The following RHOQ variants were observed in gnomAD, a reference collection of about 807,000 sequenced individuals.
RHOQ encodes the protein ras homolog family member Q, also known as rho-related GTP-binding protein RhoQ.
A neutral mutation model predicts 25.8 loss-of-function variants in RHOQ; 7 were observed. The ratio of observed to expected loss-of-function variants is 0.27; its 90% CI spans 0.15 to 0.51. RHOQ has a LOEUF of 0.51. RHOQ is among the 20% of genes least tolerant of loss of function. RHOQ has a pLI of 0.97. For missense variants in RHOQ, 165 were observed against 260.6 expected, an observed-to-expected ratio of 0.63 and a Z score of 2.53; for synonymous variants, 97 against 98.6, an observed-to-expected ratio of 0.98 and a Z score of 0.10.
chr2:46,550,692 G>C (rs1250692707), intron 2 of RHOQ, among the ~76,000 whole-genome samples: 1 of 152,214 alleles, frequency 6.6e-6, no homozygotes, highest in Admixed American at 6.5e-5. Context: ...TCTTCCTTCT[G>C]TGTGAAGTGT....
At chr2:46,578,865 T>C (rs963047695) in intron 4 of RHOQ, among the ~76,000 whole-genome samples, 1 of 151,888 alleles carries the variant, frequency 6.6e-6, no homozygotes, top group Non-Finnish European at 1.5e-5. Flanking sequence ...AGGTGATAGA[T>C]GTTAATTATG....
Position 46,543,081 on chromosome 2 carries a change from G to A in RHOQ, c.35G>A (p.Cys12Tyr). Residue 12 changes from cysteine to tyrosine, a missense_variant, in exon 1 of 5, where the codon TGC becomes TAC. Transcript: ENST00000238738. ...GGGCCCGGCGCGCTGATGCTCAAGT[G>A]CGTGGTGGTCGGCGACGGGGCGGTG... ...AHGPGALMLK[C>Y]VVVGDGAVGK... 1 of 1,608,964 alleles carries A rather than the reference G, an allele frequency of 6.2e-7. No homozygotes were observed. Among genetic ancestry groups the A allele is most frequent in the Non-Finnish European group, 8.5e-7 (1 of 1,178,094 alleles).
intron 2 of RHOQ, among the ~76,000 whole-genome samples, chr2:46,562,572 G>A (rs1424434055): frequency 3.3e-5 from 5 of 152,110 alleles, no homozygotes; most frequent in Non-Finnish European, 7.4e-5. Context: ...GAACTTCTTG[G>A]AACACAGAGG....
rs887015810 is a variant in RHOQ, at chr2:46,582,982, C to G, written c.*1899C>G. 4.6e-5 allele frequency: 7 copies of G among 152,082 alleles called. No homozygotes were observed. Among genetic ancestry groups the G allele is most frequent in the African/African-American group, 1.7e-4 (7 of 41,410 alleles). 9.4% of individuals were successfully genotyped at this position (152,082 alleles called of 1,614,324 possible). ...TATGCTCAAATGGAATCTTATGTAA[C>G]TTTCTTATTTAATTTTGGTCTGCTT... is the stretch of plus-strand genomic sequence containing the variant. On this transcript the variant is annotated 3_prime_UTR_variant, in exon 5 of 5. Coordinates refer to ENST00000238738, the MANE Select transcript of RHOQ (RefSeq NM_012249.4).
chr2:46,543,257 G>T lies in RHOQ; in HGVS notation c.142+69G>T, dbSNP rs998794012. The T allele has an allele frequency of 3.2e-6, 5 of 1,574,688 alleles. No homozygotes were observed. The Admixed American group carries it at 8.5e-5, about 27-fold the overall frequency. On this transcript the variant is annotated intron_variant, in intron 1 of 4. Coordinates refer to ENST00000238738, the MANE Select transcript of RHOQ (RefSeq NM_012249.4). ...GGAACTTTGGAGCAACTTTGGCGGA[G>T]CCCCCTCGCCGCCTCCCCAGAGCGC...
At chr2:46,562,720 A>AT (rs1296216448) in intron 2 of RHOQ, among the ~76,000 whole-genome samples, 7 of 151,982 alleles carry the variant, frequency 4.6e-5, no homozygotes, top group East Asian at 3.9e-4. Context: ...CCAGCCTTTG[A>AT]TTTTTTTTGA....
rs571623753 is a variant in RHOQ at position 46,555,342 on chromosome 2, C to T, written c.201+11530C>T. ...GCAGATTGTAAACTCTTCCCCTTGCCGTCCCTGCAGGACTGCACGTAGCAC... is the reference window on the plus strand; with the variant it reads ...GCAGATTGTAAACTCTTCCCCTTGCTGTCCCTGCAGGACTGCACGTAGCAC... On this transcript the variant is annotated intron_variant, in intron 2 of 4. Transcript: ENST00000238738. The surrounding 1 kb of genome is among the most constrained non-coding windows in gnomAD (Gnocchi z 4.3). Among the ~76,000 whole-genome samples, 14 of 152,312 alleles carry T rather than the reference C, an allele frequency of 9.2e-5. 1 individual carries two copies. Among genetic ancestry groups the T allele is most frequent in the Admixed American group, 7.2e-4 (11 of 15,306 alleles).
chr2:46,572,768 A>G (rs1485485578), intron 2 of RHOQ: 3 of 454,102 alleles, frequency 6.6e-6, no homozygotes, highest in Non-Finnish European at 1.3e-5. Context: ...TGTGACTTTG[A>G]TAAGTCGATC....
Position 46,576,192 on chromosome 2 carries a change from T to G in RHOQ, c.307T>G (p.Trp103Gly). 6 of 1,613,298 alleles carry G rather than the reference T, an allele frequency of 3.7e-6. No homozygotes were observed. The highest frequency in any genetic ancestry group is 5.1e-6 in the Non-Finnish European group (6 of 1,179,518). Residue 103 changes from tryptophan (W) to glycine (G), a missense_variant, in exon 3 of 5, where the codon TGG becomes GGG. Transcript: ENST00000238738. The surrounding 1 kb of genome is among the most constrained non-coding windows in gnomAD (Gnocchi z 5.1). ...PASFQNVKEE[W>G]VPELKEYAPN... ...CTCATTTCAAAATGTGAAAGAGGAG[T>G]GGGTACCGGAACTTAAGGAATACGC...
At chr2:46,554,586 A>T (rs549635665) in intron 2 of RHOQ, among the ~76,000 whole-genome samples, 1 of 152,200 alleles carries the variant, frequency 6.6e-6, no homozygotes, top group African/African-American at 2.4e-5. Context: ...CCAAAGCATC[A>T]GATGGGCAAT....
intron 2 of RHOQ, among the ~76,000 whole-genome samples, chr2:46,563,842 A>G (rs1490567379): frequency 6.6e-6 from 1 of 151,896 alleles, no homozygotes; most frequent in African/African-American, 2.4e-5. Flanking sequence ...TAATGGAGAC[A>G]GGGTCTCCCT....
intron 4 of RHOQ, chr2:46,577,021 A>C (rs961124126): frequency 1.7e-4 from 28 of 168,156 alleles, no homozygotes; most frequent in Non-Finnish European, 5.1e-5. Flanking sequence ...ACTACTTTCA[A>C]CCCTTCTTCA....
At chr2:46,573,798 A>G (rs1421747616) in intron 2 of RHOQ, among the ~76,000 whole-genome samples, 1 of 152,240 alleles carries the variant, frequency 6.6e-6, no homozygotes, top group African/African-American at 2.4e-5. Context: ...TTCCATTAAA[A>G]TCTCTAATTT....
At chr2:46,580,385 T>C (rs944423391) in intron 4 of RHOQ, 2 of 152,292 alleles carry the variant, frequency 1.3e-5, no homozygotes, top group African/African-American at 4.8e-5. Flanking sequence ...CTCAGTGTGA[T>C]CTTGTTCCTT....
Position 46,572,108 on chromosome 2 carries a change from T to TG in RHOQ, c.202-3979_202-3978insG, listed in dbSNP as rs201408479. Among the ~76,000 whole-genome samples the TG allele has an allele frequency of 4.2e-3, 330 of 78,780 alleles. 13 individuals are homozygous for TG. Among genetic ancestry groups the TG allele is most frequent in the East Asian group, 0.011 (44 of 3,882 alleles). The allele number at this position is 78,780 out of a possible 152,430, so 51.7% of individuals were successfully genotyped here. A position where few individuals can be genotyped will look rare whatever the true frequency, so the allele number is the denominator to read the frequency against. On this transcript the variant is annotated intron_variant, in intron 2 of 4. Transcript: ENST00000238738. ...ATTCTTATCAGGTGGTAAGTGTGTG[T>TG]TTTTTTTTTTTTTTTTTTTTTTTTT...
intron 2 of RHOQ, among the ~76,000 whole-genome samples, chr2:46,567,869 C>G (rs1438847527): frequency 6.6e-6 from 1 of 151,458 alleles, no homozygotes; most frequent in Non-Finnish European, 1.5e-5. Flanking sequence ...CTAGCCCAGG[C>G]AACAGAGCAA....
chr2:46,555,984 T>C lies in RHOQ; in HGVS notation c.201+12172T>C, dbSNP rs1287402667. Among the ~76,000 whole-genome samples the C allele has an allele frequency of 6.6e-6, 1 of 152,198 alleles. No individual in the cohort carries two copies. The highest frequency in any genetic ancestry group is 1.9e-4 in the East Asian group (1 of 5,204). ...AAGTTTCCTCCTCTTTCCTTTGTTT[T>C]ATTTTTTGAGGCATAATTCAGAGAA... is the stretch of plus-strand genomic sequence containing the variant. On this transcript the variant is annotated intron_variant, in intron 2 of 4. Coordinates refer to ENST00000238738, the MANE Select transcript of RHOQ (RefSeq NM_012249.4). This position sits in a 1 kb window ranked among gnomAD's most constrained non-coding sequence, Gnocchi z 4.3.
At chr2:46,560,032 A>G (rs1668524674) in intron 2 of RHOQ, among the ~76,000 whole-genome samples, 1 of 152,160 alleles carries the variant, frequency 6.6e-6, no homozygotes. Flanking sequence ...AGCATTTATC[A>G]TGATAGGGAA....
At position 46,584,211 on chromosome 2, in the gene RHOQ, T is replaced by C. The variant is rs1350882749; in HGVS notation, c.*3128T>C. On this transcript the variant is annotated 3_prime_UTR_variant, in exon 5 of 5. Transcript: ENST00000238738. Reference sequence around the variant, plus strand: ...ACACATGGGGTTACAAATAAAATACTATGCATAGTTTACTATCTACGTAAA... The same window carrying C: ...ACACATGGGGTTACAAATAAAATACCATGCATAGTTTACTATCTACGTAAA... Among the ~76,000 whole-genome samples the C allele has an allele frequency of 3.3e-5, 5 of 152,194 alleles. No homozygotes were observed. Among genetic ancestry groups the C allele is most frequent in the Admixed American group, 2.0e-4 (3 of 15,288 alleles).
Sources: allele counts gnomAD v4.1 joint callset (sites outside exome capture counted in the v4.1 genomes callset), GRCh38; gene constraint gnomAD v4.1.1; non-coding constraint Gnocchi (gnomAD v3.1); transcripts MANE v1.5; gene names NCBI Gene and HGNC (gene_info 2026-07-23, HGNC 2026-07-21).